Variants in MON1A observed in about 807,000 individuals in gnomAD.
MON1A encodes vacuolar fusion protein MON1 homolog A.
In MON1A, 29 loss-of-function variants were observed where a neutral mutation model predicts 44.6. The observed-to-expected ratio is 0.65, with a 90% CI of 0.48 to 0.89. The LOEUF is 0.89. MON1A is among the 40% of genes least tolerant of loss of function. MON1A has a pLI of 0.00. For synonymous variants in MON1A, 275 were observed against 316.4 expected (o/e 0.87, Z 1.39); for missense variants, 615 against 759.6 (o/e 0.81, Z 2.24).
intron 1 of MON1A, among the ~76,000 whole-genome samples, chr3:49,921,761 G>T (rs1485912205): frequency 1.3e-5 from 2 of 150,980 alleles, no homozygotes; most frequent in African/African-American, 4.9e-5. Flanking sequence ...CTGGGCTCAA[G>T]TGAACTTCCT....
chr3:49,917,551 G>T (rs1295877576), intron 1 of MON1A, among the ~76,000 whole-genome samples: 1 of 151,442 alleles, frequency 6.6e-6, no homozygotes, highest in Non-Finnish European at 1.5e-5. Context: ...GCCTCCCAAA[G>T]TGCTGGGATT....
intron 1 of MON1A, among the ~76,000 whole-genome samples, chr3:49,926,523 C>A (rs529965959): frequency 6.6e-6 from 1 of 152,264 alleles, no homozygotes; most frequent in East Asian, 1.9e-4. Context: ...GTGATGCAAT[C>A]ACAGCTAACT....
At chr3:49,921,510 C>A (rs1271728408) in intron 1 of MON1A, among the ~76,000 whole-genome samples, 2 of 151,178 alleles carry the variant, frequency 1.3e-5, no homozygotes, top group Non-Finnish European at 2.9e-5. Flanking sequence ...GTGGCTCACG[C>A]CTGTAATCCC....
At chr3:49,927,900 C>CAA (rs34870319) in intron 1 of MON1A, among the ~76,000 whole-genome samples, 1 of 133,498 alleles carries the variant, frequency 7.5e-6, no homozygotes, top group Non-Finnish European at 1.6e-5. Flanking sequence ...AACTCTGTCT[C>CAA]AAAAAAAAAA....
intron 1 of MON1A, among the ~76,000 whole-genome samples, chr3:49,926,417 C>A (rs1270264062): frequency 6.6e-6 from 1 of 152,166 alleles, no homozygotes; most frequent in Non-Finnish European, 1.5e-5. Flanking sequence ...TACCCTGTGA[C>A]CTACCACAAA....
chr3:49,927,475 C>G (rs949741856), intron 1 of MON1A, among the ~76,000 whole-genome samples: 5 of 152,142 alleles, frequency 3.3e-5, no homozygotes, highest in African/African-American at 1.2e-4. Context: ...GTGGTCTGTG[C>G]CATGTAAATC....
intron 1 of MON1A, among the ~76,000 whole-genome samples, chr3:49,917,836 C>T (rs1027741918): frequency 2.8e-4 from 43 of 151,514 alleles, no homozygotes; most frequent in Non-Finnish European, 4.7e-4. Context: ...CACCTGAGGT[C>T]GGGAGTTTGA....
intron 1 of MON1A, chr3:49,924,425 TC>T (rs1368388427): frequency 4.8e-6 from 1 of 206,866 alleles, no homozygotes; most frequent in Admixed American, 6.1e-5. Flanking sequence ...ATGCCTGTAA[TC>T]CCAGCACTTT....
At chr3:49,929,548 A>C in intron 1 of MON1A, 61 bp downstream of exon 1, 1 of 1,541,120 alleles carries the variant, frequency 6.5e-7, no homozygotes, top group Non-Finnish European at 8.8e-7. Context: ...CCTCCCTCCA[A>C]AGATGACAGC....
In MON1A at chr3:49,929,761, C is replaced by G; in HGVS notation, c.-166G>C. 1 of 1,549,476 alleles carries G rather than the reference C, an allele frequency of 6.5e-7. No individual in the cohort carries two copies. Among genetic ancestry groups the G allele is most frequent in the Non-Finnish European group, 8.7e-7 (1 of 1,146,700 alleles). On this transcript the variant is annotated 5_prime_UTR_variant, in exon 1 of 6. Transcript: ENST00000296473. ...TGCGTACACAGACATGGCCACAGCG[C>G]AGGCACCGCTCCCTCCCACCGCCCT... is the stretch of plus-strand genomic sequence containing the variant.
At chr3:49,914,263 A>G (rs2082922734) in intron 1 of MON1A, among the ~76,000 whole-genome samples, 1 of 150,044 alleles carries the variant, frequency 6.7e-6, no homozygotes, top group Non-Finnish European at 1.5e-5. Flanking sequence ...TTGTATTTTT[A>G]GTAGAGACGG....
At chr3:49,912,104 C>T (rs146998023) in intron 2 of MON1A, 93 bp from the exon 3 acceptor site, 23,972 of 1,436,438 alleles carry the variant, frequency 0.017, 266 homozygotes, top group Non-Finnish European at 0.021. Flanking sequence ...AGCATGACTG[C>T]CTGTCTTGTT....
intron 1 of MON1A, among the ~76,000 whole-genome samples, chr3:49,927,120 T>C (rs2083059001): frequency 6.6e-6 from 1 of 151,816 alleles, no homozygotes; most frequent in Admixed American, 6.6e-5. Context: ...AAAAGAAAAA[T>C]GGAAGGGAAA....
chr3:49,922,137 CAAAA>C (rs57221907), intron 1 of MON1A, among the ~76,000 whole-genome samples: 3 of 134,946 alleles, frequency 2.2e-5, no homozygotes, highest in African/African-American at 8.0e-5. Context: ...AGCTCTGTCT[CAAAA>C]AAAAAAAAAG....
intron 1 of MON1A, among the ~76,000 whole-genome samples, chr3:49,918,337 C>CAA (rs199995947): frequency 6.9e-6 from 1 of 145,120 alleles, no homozygotes; most frequent in East Asian, 2.1e-4. Flanking sequence ...AACTCTGTCT[C>CAA]AAAAAAAAAG....
intron 1 of MON1A, among the ~76,000 whole-genome samples, chr3:49,922,955 T>C (rs62262093): frequency 0.47 from 70,501 of 151,304 alleles, 17,129 homozygotes; most frequent in African/African-American, 0.53. Flanking sequence ...GTGATCCGCC[T>C]GCCTTGGCCT....
intron 1 of MON1A, among the ~76,000 whole-genome samples, chr3:49,913,575 G>T (rs953935790): frequency 2.0e-5 from 3 of 149,948 alleles, no homozygotes; most frequent in African/African-American, 7.4e-5. Context: ...GACTTGGAAA[G>T]CACAGAAAAG....
intron 2 of MON1A, chr3:49,912,639 C>T (rs1255342187): frequency 1.1e-5 from 2 of 188,576 alleles, no homozygotes; most frequent in Non-Finnish European, 2.2e-5. Flanking sequence ...CTACCCTACT[C>T]AGGCCATAGC....
Position 49,910,304 on chromosome 3 carries a change from A to G in MON1A, c.1194T>C (p.Thr398=). 6.2e-7 allele frequency: 1 copy of G among 1,614,188 alleles called. No homozygotes were observed. The highest frequency in any genetic ancestry group is 8.5e-7 in the Non-Finnish European group (1 of 1,180,028). Reference sequence around the variant, plus strand: ...AGACTGCAAAGAAGTCCTCACGGTCAGTGGAGACAAGCAGCAGGCAGAGGT... The same window carrying G: ...AGACTGCAAAGAAGTCCTCACGGTCGGTGGAGACAAGCAGCAGGCAGAGGT... ...DTDLCLLLVS[T]DREDFFAVSD... The change falls in exon 4 of 6, where the codon ACT becomes ACC. Residue 398 remains threonine, a synonymous_variant. Transcript: ENST00000296473. The surrounding 1 kb of genome is among the most constrained non-coding windows in gnomAD (Gnocchi z 8.0).
Sources: gnomAD v4.1 joint callset for allele counts (sites outside exome capture counted in the v4.1 genomes callset) on GRCh38, gnomAD v4.1.1 for gene constraint, Gnocchi (gnomAD v3.1) non-coding constraint, MANE v1.5 for transcripts, NCBI Gene and HGNC (gene_info 2026-07-23, HGNC 2026-07-21) for gene names.